The following WSB1 variants were observed in gnomAD, a reference collection of about 807,000 sequenced individuals.
The protein encoded by WSB1 is WD repeat and SOCS box containing 1.
In WSB1, 23 loss-of-function variants were observed where a neutral mutation model predicts 50.2. The observed-to-expected ratio is 0.46, with a 90% CI of 0.33 to 0.65. The LOEUF (loss-of-function observed/expected upper bound fraction) is 0.65, where lower values mean the gene tolerates loss of function less well. Ranked by LOEUF, WSB1 falls within the 30% of genes least tolerant of loss-of-function variation. WSB1 has a pLI of 0.02. For synonymous variants in WSB1, 179 were observed against 172.0 expected (o/e 1.04, Z -0.32); for missense variants, 492 against 522.3 (o/e 0.94, Z 0.56).
chr17:27,310,509 A>G (rs902722328), intron 7 of WSB1, among the ~76,000 whole-genome samples: 1 of 152,252 alleles, frequency 6.6e-6, no homozygotes, highest in Non-Finnish European at 1.5e-5. Context: ...AGTAAAACCA[A>G]AAGAATTACA....
chr17:27,301,781 CT>C lies in WSB1; in HGVS notation c.41-3del, dbSNP rs1316654418. On this transcript the variant is annotated splice_polypyrimidine_tract_variant and splice_region_variant and intron_variant, in intron 1 of 8. Coordinates refer to ENST00000262394, the MANE Select transcript of WSB1 (RefSeq NM_015626.10). ...ATGATATCCAGTATTTTTATTTTTC[CT>C]TTTAGTGAGATTACGTACTATAGGT... 1 of 1,612,382 alleles carries C rather than the reference CT, an allele frequency of 6.2e-7. No homozygotes were observed. The highest frequency in any genetic ancestry group is 8.5e-7 in the Non-Finnish European group (1 of 1,179,294).
In WSB1 at chr17:27,314,218, T is replaced by C. The variant is rs1053726150; in HGVS notation, c.*1849T>C. On this transcript the variant is annotated 3_prime_UTR_variant, in exon 9 of 9. Transcript: ENST00000262394. Reference sequence around the variant, plus strand: ...AAAGAAGCACAAGAAGCATCTAATCTTTATACTTCTTGTGACTTTTTTTCC... The same window carrying C: ...AAAGAAGCACAAGAAGCATCTAATCCTTATACTTCTTGTGACTTTTTTTCC... 1 of 152,174 alleles carries C rather than the reference T, an allele frequency of 6.6e-6. No individual in the cohort carries two copies. The highest frequency in any genetic ancestry group is 1.5e-5 in the Non-Finnish European group (1 of 68,036). The allele number at this position is 152,174 out of a possible 1,614,324, so 9.4% of individuals were successfully genotyped here. A position where few individuals can be genotyped will look rare whatever the true frequency, so the allele number is the denominator to read the frequency against.
chr17:27,309,038 G>A, intron 5 of WSB1, 62 bp from the exon 6 acceptor site: 1 of 1,481,638 alleles, frequency 6.7e-7, no homozygotes, highest in Non-Finnish European at 9.0e-7. Context: ...TTTAGTATAA[G>A]ATGTGCCATT....
chr17:27,305,406 GAA>G (rs2017406910), intron 4 of WSB1, among the ~76,000 whole-genome samples: 1 of 152,214 alleles, frequency 6.6e-6, no homozygotes, highest in Non-Finnish European at 1.5e-5. Context: ...TATAAAAAGT[GAA>G]AGATTTACTG....
chr17:27,312,038 A>G (rs1175136885), intron 8 of WSB1, among the ~76,000 whole-genome samples, 172 bp from the exon 9 acceptor site: 1 of 151,982 alleles, frequency 6.6e-6, no homozygotes, highest in African/African-American at 2.4e-5. Flanking sequence ...TGTTCTTCAT[A>G]GTAGTGTTAC....
chr17:27,307,090 A>T (rs1243111917), intron 5 of WSB1: 1 of 563,396 alleles, frequency 1.8e-6, no homozygotes, highest in African/African-American at 1.9e-5. Flanking sequence ...TTTTAGAGAT[A>T]ATAGATAATA....
rs2017315223 is a variant in WSB1 at position 27,303,395 on chromosome 17, A to G, written c.238A>G (p.Asn80Asp). The change falls in exon 3 of 9, where the codon AAT becomes GAT. Residue 80 changes from asparagine to aspartate, a missense_variant. Physicochemically the swap from Asn to Asp is conservative, Grantham distance 23 (BLOSUM62 1). Transcript: ENST00000262394. ...FLLHGTKNVT[N>D]SSSLRLPRQN... Reference sequence around the variant, plus strand: ...CTTGCATGGCACCAAGAATGTTACCAATTCAAGCAGTTTAAGATTGCCAAG... The same window carrying G: ...CTTGCATGGCACCAAGAATGTTACCGATTCAAGCAGTTTAAGATTGCCAAG... 2.5e-6 allele frequency: 4 copies of G among 1,614,048 alleles called. No homozygotes were observed. The Admixed American group carries it at 6.7e-5, about 27-fold the overall frequency.
intron 8 of WSB1, 79 bp from the exon 9 acceptor site, chr17:27,312,131 G>A: frequency 6.6e-7 from 1 of 1,524,852 alleles, no homozygotes; most frequent in South Asian, 1.3e-5. Context: ...CACATGTATT[G>A]GGTGATAGTT....
At position 27,315,908 on chromosome 17, in the gene WSB1, A is replaced by T. The variant is rs2017819027; in HGVS notation, c.*3539A>T. The T allele has an allele frequency of 6.6e-6, 1 of 152,224 alleles. No homozygotes were observed. Among genetic ancestry groups the T allele is most frequent in the South Asian group, 2.1e-4 (1 of 4,832 alleles). The allele number at this position is 152,224 out of a possible 1,614,324, so 9.4% of individuals were successfully genotyped here. A position where few individuals can be genotyped will look rare whatever the true frequency, so the allele number is the denominator to read the frequency against. ...AAGTAAGAGCTGTTGGCAGCAACTA[A>T]TAAAATGCAACCTAGTGACATGCTC... is the stretch of plus-strand genomic sequence containing the variant. On this transcript the variant is annotated 3_prime_UTR_variant, in exon 9 of 9. Coordinates refer to ENST00000262394, the MANE Select transcript of WSB1 (RefSeq NM_015626.10).
chr17:27,315,159 A>C lies in WSB1; in HGVS notation c.*2790A>C, dbSNP rs1291094166. 1.3e-5 allele frequency: 2 copies of C among 152,206 alleles called. No homozygotes were observed. The highest frequency in any genetic ancestry group is 2.9e-5 in the Non-Finnish European group (2 of 68,036). The allele number at this position is 152,206 out of a possible 1,614,324, so 9.4% of individuals were successfully genotyped here. Reference sequence around the variant, plus strand: ...TAATAACAGACTGAAGGACCAAAGGAAAATAGGGAAGACGTTGATTATGGA... The same window carrying C: ...TAATAACAGACTGAAGGACCAAAGGCAAATAGGGAAGACGTTGATTATGGA... On this transcript the variant is annotated 3_prime_UTR_variant, in exon 9 of 9. Transcript: ENST00000262394.
At chr17:27,311,477 A>G (rs756684809) in intron 7 of WSB1, 32 bp from the exon 8 acceptor site, 3 of 1,554,650 alleles carry the variant, frequency 1.9e-6, no homozygotes, top group East Asian at 2.3e-5. Flanking sequence ...TACATTTTCT[A>G]CAAGATACTA....
intron 1 of WSB1, among the ~76,000 whole-genome samples, chr17:27,295,433 A>C (rs1309516411): frequency 6.6e-6 from 1 of 152,172 alleles, no homozygotes; most frequent in East Asian, 1.9e-4. Flanking sequence ...ATGTGGGTGA[A>C]TTTTTATATC....
At position 27,312,235 on chromosome 17, in the gene WSB1, T is replaced by C. The variant is rs965617270; in HGVS notation, c.1132T>C (p.Trp378Arg). 6.2e-7 allele frequency: 1 copy of C among 1,612,592 alleles called. No homozygotes were observed. The change falls in exon 9 of 9, where the codon TGG (tryptophan) becomes CGG (arginine). Residue 378 changes from tryptophan to arginine, a missense_variant. Physicochemically the swap from Trp to Arg is moderately radical, Grantham distance 101. Coordinates refer to ENST00000262394, the MANE Select transcript of WSB1 (RefSeq NM_015626.10). ...AGTHDGSVYF[W>R]ATPRQVPSLQ... ...GACACATGACGGAAGTGTGTATTTTTGGGCCACTCCACGGCAGGTCCCTAG... is the reference window on the plus strand; with the variant it reads ...GACACATGACGGAAGTGTGTATTTTCGGGCCACTCCACGGCAGGTCCCTAG...
rs1435283248 is a variant in WSB1 at position 27,306,858 on chromosome 17, G to A, written c.687G>A (p.Leu229=). 5.0e-6 allele frequency: 8 copies of A among 1,614,068 alleles called. No homozygotes were observed. In the African/African-American group the frequency reaches 8.0e-5, roughly 16 times the overall value. The change falls in exon 5 of 9, where the codon CTG becomes CTA. Residue 229 remains leucine, a synonymous_variant. Transcript: ENST00000262394. ...CATTCTCTCCTGACTCTTCTATGCT[G>A]TGTTCAGTCGGAGCCAGTAAAGCAG... ...SCAFSPDSSM[L]CSVGASKAVF... is the part of the protein sequence containing the mutation.
At position 27,312,428 on chromosome 17, in the gene WSB1, G is replaced by C; in HGVS notation, c.*59G>C. Reference sequence around the variant, plus strand: ...AGAATACACTTAACACAAACCTCAAGCTTTACTGACTTCAATTATCTGTTT... The same window carrying C: ...AGAATACACTTAACACAAACCTCAACCTTTACTGACTTCAATTATCTGTTT... On this transcript the variant is annotated 3_prime_UTR_variant, in exon 9 of 9. Transcript: ENST00000262394. 1 of 1,571,760 alleles carries C rather than the reference G, an allele frequency of 6.4e-7. No homozygotes were observed. Among genetic ancestry groups the C allele is most frequent in the Non-Finnish European group, 8.6e-7 (1 of 1,164,924 alleles).
chr17:27,309,493 T>G (rs2017583091), intron 6 of WSB1, among the ~76,000 whole-genome samples: 1 of 152,192 alleles, frequency 6.6e-6, no homozygotes, highest in Admixed American at 6.5e-5. Flanking sequence ...AGTACCCAGC[T>G]CTCTATAGAA....
chr17:27,312,501 TTTTG>T lies in WSB1; in HGVS notation c.*133_*136del. On this transcript the variant is annotated 3_prime_UTR_variant, in exon 9 of 9. Coordinates refer to ENST00000262394, the MANE Select transcript of WSB1 (RefSeq NM_015626.10). ...TAATTTGATATGTTCTTGTACTGCA[TTTTG>T]ATCAGTTGAGCTTTTAAAATATTAT... 1 of 1,156,610 alleles carries T rather than the reference TTTTG, an allele frequency of 8.6e-7. No individual in the cohort carries two copies. Among genetic ancestry groups the T allele is most frequent in the Non-Finnish European group, 1.2e-6 (1 of 819,860 alleles). 71.6% of individuals were successfully genotyped at this position (1,156,610 alleles called of 1,614,324 possible). A position where few individuals can be genotyped will look rare whatever the true frequency, so the allele number is the denominator to read the frequency against.
At chr17:27,309,971 C>A in intron 6 of WSB1, 90 bp from the exon 7 acceptor site, 1 of 961,272 alleles carries the variant, frequency 1.0e-6, no homozygotes, top group Admixed American at 2.0e-5. Flanking sequence ...CTACTTTAAA[C>A]ACTATTCAAA....
Position 27,294,308 on chromosome 17 carries a change from A to G in WSB1, c.-88A>G. 4 of 1,564,336 alleles carry G rather than the reference A, an allele frequency of 2.6e-6. No homozygotes were observed. Among genetic ancestry groups the G allele is most frequent in the Non-Finnish European group, 2.6e-6 (3 of 1,145,648 alleles). ...CTGTCCCTGGGCCCGGGAGGGACCA[A>G]CTTGGCGTCACGCCCCTCAGCGGTC... On this transcript the variant is annotated 5_prime_UTR_variant, in exon 1 of 9. Coordinates refer to ENST00000262394, the MANE Select transcript of WSB1 (RefSeq NM_015626.10).
Sources: gnomAD v4.1 joint callset for allele counts (sites outside exome capture counted in the v4.1 genomes callset) on GRCh38, gnomAD v4.1.1 for gene constraint, MANE v1.5 for transcripts, NCBI Gene and HGNC (gene_info 2026-07-23, HGNC 2026-07-21) for gene names.